CRADD: variants seen among roughly 807,000 people sequenced by gnomAD.
CRADD encodes the protein death domain-containing protein CRADD.
In CRADD, 9 loss-of-function variants were observed where a neutral mutation model predicts 15.5. That is an observed-to-expected ratio of 0.58 (90% confidence interval 0.35 to 1.01). The LOEUF is 1.01. Among genes scored for constraint, CRADD ranks in the 50% least tolerant of loss-of-function variants. CRADD has a pLI of 0.02. For missense variants in CRADD, 227 were observed against 250.3 expected (o/e 0.91, Z 0.63); for synonymous variants, 118 against 107.6 (o/e 1.10, Z -0.60).
chr12:93,842,534 G>A (rs1958061369), intron 2 of CRADD, among the ~76,000 whole-genome samples: 1 of 152,080 alleles, frequency 6.6e-6, no homozygotes, highest in African/African-American at 2.4e-5. Context: ...TGAGGGGAAG[G>A]AGGTCACAGA....
chr12:93,782,586 C>T (rs1212460875), intron 2 of CRADD, among the ~76,000 whole-genome samples: 3 of 148,326 alleles, frequency 2.0e-5, no homozygotes, highest in Middle Eastern at 3.4e-3. Flanking sequence ...AGCGAGACTC[C>T]GTCTCAGGAA....
At chr12:93,892,962 C>T (rs1436428788) in intron 2 of CRADD, among the ~76,000 whole-genome samples, 3 of 152,198 alleles carry the variant, frequency 2.0e-5, no homozygotes, top group African/African-American at 7.2e-5. Flanking sequence ...CTTGGCTCTT[C>T]CGAAAGAACA....
intron 2 of CRADD, among the ~76,000 whole-genome samples, chr12:93,726,598 T>C (rs1956371844): frequency 6.6e-6 from 1 of 152,218 alleles, no homozygotes; most frequent in African/African-American, 2.4e-5. Context: ...GGAAAGGATC[T>C]TATTCAGATA....
rs190145611 is a variant in CRADD, at chr12:93,780,622, G to A, written c.299-69348G>A. 3.5e-3 allele frequency among the ~76,000 whole-genome samples: 539 copies of A among 152,214 alleles called. 4 individuals carry two copies. Among genetic ancestry groups the A allele is most frequent in the African/African-American group, 0.012 (516 of 41,502 alleles). On this transcript the variant is annotated intron_variant, in intron 2 of 2. Coordinates refer to ENST00000332896, the MANE Select transcript of CRADD (RefSeq NM_003805.5). ...TTTTTGGTTTAAATTATATTGTAAG[G>A]CACATAAACAAACACATGCCAGTAG...
intron 2 of CRADD, among the ~76,000 whole-genome samples, chr12:93,744,789 A>G (rs1254460481): frequency 6.6e-6 from 1 of 152,232 alleles, no homozygotes; most frequent in African/African-American, 2.4e-5. Flanking sequence ...AACAATAAAC[A>G]TTCACCATAA....
chr12:93,830,907 T>C (rs1216948805), intron 2 of CRADD, among the ~76,000 whole-genome samples: 1 of 152,248 alleles, frequency 6.6e-6, no homozygotes, highest in Non-Finnish European at 1.5e-5. Context: ...TTCTGTATCG[T>C]TAGCACCTAA....
chr12:93,890,432 A>G (rs904549596), intron 2 of CRADD, among the ~76,000 whole-genome samples: 1 of 152,246 alleles, frequency 6.6e-6, no homozygotes, highest in African/African-American at 2.4e-5. Flanking sequence ...AGAATCTCCC[A>G]ATTTTTAAAT....
At chr12:93,753,997 A>G (rs1956860227) in intron 2 of CRADD, among the ~76,000 whole-genome samples, 2 of 152,234 alleles carry the variant, frequency 1.3e-5, no homozygotes. Context: ...TAGGTTCTCC[A>G]TGAGCGCTCC....
intron 2 of CRADD, among the ~76,000 whole-genome samples, chr12:93,781,918 T>G (rs1957214801): frequency 6.6e-6 from 1 of 152,180 alleles, no homozygotes; most frequent in Non-Finnish European, 1.5e-5. Flanking sequence ...GTTCAACCAT[T>G]GTGGAAATCA....
At position 93,689,428 on chromosome 12, in the gene CRADD, C is replaced by A. The variant is rs541415418; in HGVS notation, c.298+10356C>A. Among the ~76,000 whole-genome samples the A allele has an allele frequency of 3.3e-5, 5 of 151,966 alleles. 1 individual carries two copies. The highest frequency in any genetic ancestry group is 1.2e-4 in the African/African-American group (5 of 41,444). ...CAGTAAGGAGTGTATACATATGATT[C>A]TTTGAGGGCATTTCCCCCAGACTAA... On this transcript the variant is annotated intron_variant, in intron 2 of 2. Coordinates refer to ENST00000332896, the MANE Select transcript of CRADD (RefSeq NM_003805.5).
intron 2 of CRADD, among the ~76,000 whole-genome samples, chr12:93,703,632 G>C (rs998861784): frequency 6.6e-6 from 1 of 151,834 alleles, no homozygotes; most frequent in African/African-American, 2.4e-5. Flanking sequence ...AAAGTGCTGG[G>C]ATTACAGGCA....
chr12:93,754,171 C>T (rs896625519), intron 2 of CRADD, among the ~76,000 whole-genome samples: 27 of 152,352 alleles, frequency 1.8e-4, no homozygotes, highest in African/African-American at 6.5e-4. Context: ...GAGGCCATGA[C>T]CCAAGCTCTA....
intron 2 of CRADD, among the ~76,000 whole-genome samples, chr12:93,749,528 A>T (rs1956807123): frequency 6.6e-6 from 1 of 151,288 alleles, no homozygotes. Flanking sequence ...GGGCTTCTTC[A>T]GTGATACTCC....
At chr12:93,865,285 T>G (rs1007003661) in intron 2 of CRADD, among the ~76,000 whole-genome samples, 1 of 152,232 alleles carries the variant, frequency 6.6e-6, no homozygotes, top group African/African-American at 2.4e-5. Context: ...AACTGCATAC[T>G]GGTACAGTCC....
At chr12:93,713,600 ATTGT>A (rs956469163) in intron 2 of CRADD, among the ~76,000 whole-genome samples, 28 of 151,854 alleles carry the variant, frequency 1.8e-4, no homozygotes, top group Middle Eastern at 3.4e-3. Flanking sequence ...TAGTTGTTAT[ATTGT>A]TTGTTTGTTT....
At chr12:93,761,788 A>C (rs1437198403) in intron 2 of CRADD, among the ~76,000 whole-genome samples, 2 of 152,230 alleles carry the variant, frequency 1.3e-5, no homozygotes, top group Non-Finnish European at 2.9e-5. Flanking sequence ...GACAAATAGG[A>C]ATAGAGAGAA....
chr12:93,876,406 T>C (rs1958457897), intron 2 of CRADD, among the ~76,000 whole-genome samples: 1 of 152,188 alleles, frequency 6.6e-6, no homozygotes. Context: ...TGAATACACT[T>C]TCTACCCCTA....
chr12:93,834,787 C>A (rs1957956109), intron 2 of CRADD, among the ~76,000 whole-genome samples: 1 of 152,198 alleles, frequency 6.6e-6, no homozygotes, highest in African/African-American at 2.4e-5. Flanking sequence ...CATGCCCAGC[C>A]TAAAATTAGT....
chr12:93,703,720 A>G (rs771686435), intron 2 of CRADD, among the ~76,000 whole-genome samples: 2 of 152,120 alleles, frequency 1.3e-5, no homozygotes, highest in Non-Finnish European at 2.9e-5. Context: ...AGTTGCAAAA[A>G]TAGTACTGAG....
Sources: gnomAD v4.1 joint callset for allele counts (sites outside exome capture counted in the v4.1 genomes callset) on GRCh38, gnomAD v4.1.1 for gene constraint, MANE v1.5 for transcripts, NCBI Gene and HGNC (gene_info 2026-07-23, HGNC 2026-07-21) for gene names.